The following KDM3A variants were observed in gnomAD, a reference collection of about 807,000 sequenced individuals.
KDM3A encodes the protein lysine-specific demethylase 3A.
In KDM3A, 60 loss-of-function variants were observed where a neutral mutation model predicts 158.0. The ratio of observed to expected loss-of-function variants is 0.38; its 90% CI spans 0.31 to 0.47. KDM3A has a LOEUF of 0.47. Among genes scored for constraint, KDM3A ranks in the 20% least tolerant of loss-of-function variants. The probability of loss-of-function intolerance (pLI) is 0.99; values close to 1 mark genes in which losing one functional copy is unlikely to be tolerated. For missense variants in KDM3A, 1,319 were observed against 1,574.3 expected (o/e 0.84, Z 2.74); for synonymous variants, 608 against 549.3 (o/e 1.11, Z -1.49).
In KDM3A at chr2:86,466,385, A is replaced by G; in HGVS notation, c.1021A>G (p.Ser341Gly). 1 of 1,609,488 alleles carries G rather than the reference A, an allele frequency of 6.2e-7. No individual in the cohort carries two copies. Among genetic ancestry groups the G allele is most frequent in the Non-Finnish European group, 8.5e-7 (1 of 1,177,822 alleles). The change falls in exon 10 of 26, where the codon AGT becomes GGT. Residue 341 changes from serine to glycine, a missense_variant. Ser to Gly is a moderately conservative substitution (Grantham distance 56). Coordinates refer to ENST00000312912, the MANE Select transcript of KDM3A (RefSeq NM_018433.6). The part of the protein sequence containing the change: ...AKIPQGCHKQ[S>G]LPEEISSCLN... ...TATATTTTTCAGATGTCATAAACAA[A>G]GTTTACCAGAGGAAATTTCTTCCTG...
At chr2:86,453,491 G>A (rs1197187909) in intron 4 of KDM3A, among the ~76,000 whole-genome samples, 1 of 152,100 alleles carries the variant, frequency 6.6e-6, no homozygotes, top group East Asian at 1.9e-4. Context: ...TTATCTGTTG[G>A]TAAGAAAAAG....
rs1416581218 is a variant in KDM3A, at chr2:86,482,066, T to C, written c.2649T>C (p.Gly883=). 1 of 1,614,206 alleles carries C rather than the reference T, an allele frequency of 6.2e-7. No individual in the cohort carries two copies. The highest frequency in any genetic ancestry group is 1.7e-5 in the Admixed American group (1 of 60,022). Residue 883 remains glycine (G), a synonymous_variant, in exon 17 of 26, where the codon GGT becomes GGC. Transcript: ENST00000312912. The stretch of plus-strand genomic sequence containing the variant: ...CACCCGTAAGCAACAACAATTCTGG[T>C]TTCCTCCGGAATCTCTTGAATTCTT... ...ILTPVSNNNS[G]FLRNLLNSST... is the part of the protein sequence containing the mutation.
At chr2:86,438,040 T>A (rs1682518241), upstream of KDM3A, among the ~76,000 whole-genome samples, 1 of 152,178 alleles carries the variant, frequency 6.6e-6, no homozygotes. Flanking sequence ...TTGGGCATCC[T>A]TATCTTGCTC....
At chr2:86,469,330 G>A (rs536011723) in intron 10 of KDM3A, among the ~76,000 whole-genome samples, 2 of 152,140 alleles carry the variant, frequency 1.3e-5, no homozygotes, top group East Asian at 1.9e-4. Flanking sequence ...TTTGACTTTC[G>A]TTTGTTTGCC....
chr2:86,489,143 C>T (rs77978198), intron 21 of KDM3A, 175 bp from the exon 22 acceptor site: 19,640 of 676,502 alleles, frequency 0.029, 467 homozygotes, highest in African/African-American at 0.084. Context: ...AGTATTCCTT[C>T]TTTTCTTGCT....
rs757706717 is a variant in KDM3A at position 86,466,847 on chromosome 2, A to G, written c.1483A>G (p.Ser495Gly). The G allele has an allele frequency of 6.2e-7, 1 of 1,609,310 alleles. No individual in the cohort carries two copies. Residue 495 changes from serine (S) to glycine (G), a missense_variant, in exon 10 of 26, where the codon AGC becomes GGC. Coordinates refer to ENST00000312912, the MANE Select transcript of KDM3A (RefSeq NM_018433.6). ...ATCTTCAGTAAAAGTAGATAATGAA[A>G]GCTGTTGTTCAAGAAGCAACAATAA... ...KESSVKVDNE[S>G]CCSRSNNKIQ...
chr2:86,479,005 T>C, intron 15 of KDM3A: 1 of 260,770 alleles, frequency 3.8e-6, no homozygotes, highest in Non-Finnish European at 7.2e-6. Context: ...TAAAGTAGTC[T>C]ACCTAATAAG....
In KDM3A at chr2:86,470,092, A is replaced by T. The variant is rs141214325; in HGVS notation, c.1520-112A>T. 138 of 791,680 alleles carry T rather than the reference A, an allele frequency of 1.7e-4. 2 individuals carry two copies. In the East Asian group the frequency reaches 2.7e-3, roughly 15 times the overall value. 49.0% of individuals were successfully genotyped at this position (791,680 alleles called of 1,614,324 possible). A position where few individuals can be genotyped will look rare whatever the true frequency, so the allele number is the denominator to read the frequency against. On this transcript the variant is annotated intron_variant, in intron 10 of 25. Coordinates refer to ENST00000312912, the MANE Select transcript of KDM3A (RefSeq NM_018433.6). ...GAAATTACAATTGAACCAGGAATTG[A>T]GAAGGGAGTTCTCTTTAAGGGAATA...
chr2:86,492,293 G>A lies in KDM3A; in HGVS notation c.*174G>A, dbSNP rs564405849. 2 of 542,100 alleles carry A rather than the reference G, an allele frequency of 3.7e-6. No homozygotes were observed. Among genetic ancestry groups the A allele is most frequent in the Non-Finnish European group, 6.6e-6 (2 of 302,554 alleles). 33.6% of individuals were successfully genotyped at this position (542,100 alleles called of 1,614,324 possible). On this transcript the variant is annotated 3_prime_UTR_variant, in exon 26 of 26. Transcript: ENST00000312912. ...GTTTACAGACAGTAAATGTGTATAT[G>A]TAGTAACTATTTACAGAACATGCAT...
At chr2:86,485,917 A>T in intron 21 of KDM3A, 58 bp downstream of exon 21, 1 of 1,574,998 alleles carries the variant, frequency 6.3e-7, no homozygotes, top group Non-Finnish European at 8.7e-7. Context: ...ATGTTTGGAA[A>T]ATTGATTTTG....
intron 2 of KDM3A, among the ~76,000 whole-genome samples, chr2:86,446,099 TATATC>T (rs1361990062): frequency 1.3e-5 from 2 of 152,210 alleles, no homozygotes; most frequent in African/African-American, 2.4e-5. Flanking sequence ...TATTAATTCA[TATATC>T]AGAAAGATTT....
At chr2:86,489,483 C>G in intron 22 of KDM3A, 37 bp from the exon 23 acceptor site, 2 of 1,611,772 alleles carry the variant, frequency 1.2e-6, no homozygotes, top group Non-Finnish European at 1.7e-6. Context: ...TGAGCCAGGG[C>G]TTGTGGTCTG....
At chr2:86,466,977 CTT>C in intron 10 of KDM3A, 94 bp downstream of exon 10, 1 of 1,074,496 alleles carries the variant, frequency 9.3e-7, no homozygotes, top group Non-Finnish European at 1.3e-6. Context: ...GTGAAAATGA[CTT>C]TGTAGAAATA....
At chr2:86,486,416 T>A (rs1216245196) in intron 21 of KDM3A, among the ~76,000 whole-genome samples, 1 of 152,212 alleles carries the variant, frequency 6.6e-6, no homozygotes, top group Non-Finnish European at 1.5e-5. Context: ...AGAGCTTTCT[T>A]TCATCATCAT....
intron 5 of KDM3A, 104 bp from the exon 6 acceptor site, chr2:86,456,338 G>T: frequency 1.3e-6 from 1 of 783,572 alleles, no homozygotes; most frequent in South Asian, 2.2e-5. Flanking sequence ...GTTTACTTTT[G>T]CGTTTTTTTA....
intron 12 of KDM3A, among the ~76,000 whole-genome samples, chr2:86,475,194 G>A (rs1673608736): frequency 6.6e-6 from 1 of 152,162 alleles, no homozygotes; most frequent in Non-Finnish European, 1.5e-5. Context: ...CCAATTAACA[G>A]AGGAGTGGAA....
chr2:86,490,923 C>T lies in KDM3A; in HGVS notation c.3616C>T (p.Pro1206Ser). Residue 1206 changes from proline (P) to serine (S), a missense_variant, in exon 24 of 26, where the codon CCT (proline) becomes TCT (serine). By Grantham distance (74) the Pro-to-Ser change is moderately conservative. This residue lies in a region of KDM3A where 186 missense variants were observed against 340.9 expected (regional missense o/e 0.55). Transcript: ENST00000312912. ...QGQENPADHD[P>S]IHDQSWYLDR... ...TCAAGAAAACCCAGCAGACCACGAT[C>T]CTATTCATGATCAAAGCTGGTATTT... 6.2e-7 allele frequency: 1 copy of T among 1,613,720 alleles called. No homozygotes were observed. Among genetic ancestry groups the T allele is most frequent in the Non-Finnish European group, 8.5e-7 (1 of 1,179,776 alleles).
intron 21 of KDM3A, chr2:86,487,532 G>A (rs1329348414): frequency 6.6e-6 from 1 of 152,224 alleles, no homozygotes; most frequent in East Asian, 1.9e-4. Context: ...CTTGCGGACA[G>A]TAGAAGGGGC....
In KDM3A at chr2:86,490,947, T is replaced by C. The variant is rs1183220810; in HGVS notation, c.3640T>C (p.Leu1214=). 1 of 1,613,828 alleles carries C rather than the reference T, an allele frequency of 6.2e-7. No individual in the cohort carries two copies. Among genetic ancestry groups the C allele is most frequent in the Non-Finnish European group, 8.5e-7 (1 of 1,179,874 alleles). Residue 1214 remains leucine (L), a synonymous_variant, in exon 24 of 26, where the codon TTA becomes CTA. Coordinates refer to ENST00000312912, the MANE Select transcript of KDM3A (RefSeq NM_018433.6). The part of the protein sequence containing the change: ...HDPIHDQSWY[L]DRSLRKRLHQ... ...TCCTATTCATGATCAAAGCTGGTAT[T>C]TAGACCGATCATTAAGAAAACGTCT...
Sources: allele counts gnomAD v4.1 joint callset (sites outside exome capture counted in the v4.1 genomes callset), GRCh38; gene constraint gnomAD v4.1.1; regional missense constraint gnomAD v4.1.1; transcripts MANE v1.5; gene names NCBI Gene and HGNC (gene_info 2026-07-23, HGNC 2026-07-21).